The following SMYD3 variants were observed in gnomAD, a reference collection of about 807,000 sequenced individuals.
SMYD3 encodes SET and MYND domain containing 3, also known as histone-lysine N-methyltransferase SMYD3.
A neutral mutation model predicts 57.7 loss-of-function variants in SMYD3; 36 were observed. The observed-to-expected ratio is 0.62, with a 90% CI of 0.48 to 0.82. The LOEUF (loss-of-function observed/expected upper bound fraction) is 0.82. Among genes scored for constraint, SMYD3 ranks in the 40% least tolerant of loss-of-function variants. The pLI, the probability that SMYD3 is intolerant of heterozygous loss-of-function variation, is 0.00. For synonymous variants in SMYD3, 211 were observed against 195.0 expected (o/e 1.08, Z -0.68); for missense variants, 515 against 538.8 (o/e 0.96, Z 0.44).
chr1:246,128,932 TAG>T (rs1341666569), intron 5 of SMYD3, among the ~76,000 whole-genome samples: 1 of 151,994 alleles, frequency 6.6e-6, no homozygotes, highest in Non-Finnish European at 1.5e-5. Flanking sequence ...GCCTCCCAAG[TAG>T]CTGGAACTAC....
Position 246,088,880 on chromosome 1 carries a change from T to C in SMYD3, c.532-158943A>G, listed in dbSNP as rs35056024. Among the ~76,000 whole-genome samples the C allele has an allele frequency of 3.2e-3, 487 of 152,346 alleles. 5 individuals are homozygous for C. Among genetic ancestry groups the C allele is most frequent in the Non-Finnish European group, 4.2e-3 (289 of 68,032 alleles). On this transcript the variant is annotated intron_variant, in intron 5 of 11. Coordinates refer to ENST00000490107, the MANE Select transcript of SMYD3 (RefSeq NM_001167740.2). ...AAATTTATGTGTACATACACACACA[T>C]ATATATTTTATATCCAGAAAAGTTT...
At chr1:246,194,042 T>C (rs947174660) in intron 5 of SMYD3, among the ~76,000 whole-genome samples, 1 of 152,222 alleles carries the variant, frequency 6.6e-6, no homozygotes, top group Non-Finnish European at 1.5e-5. Flanking sequence ...AGAGGTACGC[T>C]GTTTTTATGT....
At position 246,214,212 on chromosome 1, in the gene SMYD3, T is replaced by G. The variant is rs1463135940; in HGVS notation, c.531+112989A>C. Among the ~76,000 whole-genome samples the G allele has an allele frequency of 2.6e-5, 4 of 152,128 alleles. No individual in the cohort carries two copies. In the East Asian group the frequency reaches 7.7e-4, roughly 29 times the overall value. On this transcript the variant is annotated intron_variant, in intron 5 of 11. Coordinates refer to ENST00000490107, the MANE Select transcript of SMYD3 (RefSeq NM_001167740.2). ...ACAAGAGAGGAGTCTAGAAATCCAG[T>G]CAGAGATTAGATTTCACATCCCAGG...
At chr1:246,209,400 G>C (rs1225137483) in intron 5 of SMYD3, among the ~76,000 whole-genome samples, 1 of 152,072 alleles carries the variant, frequency 6.6e-6, no homozygotes, top group Admixed American at 6.5e-5. Flanking sequence ...TCTTAAACAT[G>C]GTCTGCATTA....
intron 1 of SMYD3, among the ~76,000 whole-genome samples, chr1:246,398,112 T>C (rs1029663852): frequency 6.6e-6 from 1 of 152,166 alleles, no homozygotes; most frequent in Admixed American, 6.5e-5. Flanking sequence ...GTAGGAGCAA[T>C]TGGAGAAGTT....
At chr1:246,257,384 C>T (rs1434596587) in intron 5 of SMYD3, among the ~76,000 whole-genome samples, 1 of 152,084 alleles carries the variant, frequency 6.6e-6, no homozygotes, top group African/African-American at 2.4e-5. Context: ...TGAATTGAAT[C>T]CTCTATCATT....
At chr1:245,877,941 C>G (rs1198647342) in intron 8 of SMYD3, among the ~76,000 whole-genome samples, 1 of 152,098 alleles carries the variant, frequency 6.6e-6, no homozygotes, top group Non-Finnish European at 1.5e-5. Context: ...TCACCCAATC[C>G]AACGGGGCCC....
At chr1:246,273,886 T>G (rs1409171777) in intron 5 of SMYD3, among the ~76,000 whole-genome samples, 1 of 152,144 alleles carries the variant, frequency 6.6e-6, no homozygotes, top group Non-Finnish European at 1.5e-5. Flanking sequence ...CACTAATCTC[T>G]CCTATTGCTT....
At chr1:245,924,132 A>G (rs1396009775) in intron 7 of SMYD3, among the ~76,000 whole-genome samples, 2 of 152,326 alleles carry the variant, frequency 1.3e-5, no homozygotes, top group East Asian at 1.9e-4. Flanking sequence ...AACTACCATA[A>G]GACTGCTTTG....
chr1:246,067,367 T>C (rs1489422288), intron 5 of SMYD3, among the ~76,000 whole-genome samples: 2 of 152,186 alleles, frequency 1.3e-5, no homozygotes, highest in African/African-American at 4.8e-5. Context: ...CATTCTCTCA[T>C]CCACTCACTC....
At chr1:245,775,916 AGATAC>A (rs2046570023) in intron 10 of SMYD3, among the ~76,000 whole-genome samples, 1 of 152,208 alleles carries the variant, frequency 6.6e-6, no homozygotes, top group Admixed American at 6.5e-5. Context: ...GGATGGTCTA[AGATAC>A]AAGAAAAAAT....
chr1:246,331,527 G>C (rs1172575059), intron 3 of SMYD3, among the ~76,000 whole-genome samples: 1 of 152,178 alleles, frequency 6.6e-6, no homozygotes, highest in Non-Finnish European at 1.5e-5. Flanking sequence ...AAGAGAGACT[G>C]TGTATTTCTT....
chr1:245,792,546 T>C (rs1361665709), intron 10 of SMYD3, among the ~76,000 whole-genome samples: 1 of 152,216 alleles, frequency 6.6e-6, no homozygotes, highest in East Asian at 1.9e-4. Context: ...AAAAAATTTT[T>C]TTATTCCACA....
chr1:246,384,196 A>T (rs745719534), intron 1 of SMYD3, among the ~76,000 whole-genome samples: 1 of 152,134 alleles, frequency 6.6e-6, no homozygotes, highest in African/African-American at 2.4e-5. Flanking sequence ...TATCCTTCAG[A>T]TATCTTTTTC....
At chr1:246,106,223 T>C (rs116252297) in intron 5 of SMYD3, among the ~76,000 whole-genome samples, 1 of 152,190 alleles carries the variant, frequency 6.6e-6, no homozygotes, top group Non-Finnish European at 1.5e-5. Flanking sequence ...TTCATTACAT[T>C]GTAGACATCC....
intron 2 of SMYD3, among the ~76,000 whole-genome samples, chr1:246,354,199 T>C (rs918813570): frequency 6.6e-6 from 1 of 152,206 alleles, no homozygotes; most frequent in African/African-American, 2.4e-5. Flanking sequence ...AGACTTTTAA[T>C]AAGATGTAAC....
chr1:245,763,671 G>C (rs1009601137), intron 11 of SMYD3, among the ~76,000 whole-genome samples: 1 of 152,168 alleles, frequency 6.6e-6, no homozygotes, highest in African/African-American at 2.4e-5. Flanking sequence ...GACACGGACT[G>C]TGTTCCGTGG....
At chr1:246,004,377 G>A (rs2059134675) in intron 5 of SMYD3, among the ~76,000 whole-genome samples, 2 of 152,134 alleles carry the variant, frequency 1.3e-5, no homozygotes, top group Non-Finnish European at 2.9e-5. Context: ...GGGTGAAGAT[G>A]GAATTCTGCC....
chr1:246,100,102 T>C (rs1183028968), intron 5 of SMYD3, among the ~76,000 whole-genome samples: 1 of 152,186 alleles, frequency 6.6e-6, no homozygotes, highest in Admixed American at 6.5e-5. Context: ...TCCCAGCTAC[T>C]TTGGAGGCTG....
Sources: allele counts gnomAD v4.1 joint callset (sites outside exome capture counted in the v4.1 genomes callset), GRCh38; gene constraint gnomAD v4.1.1; transcripts MANE v1.5; gene names NCBI Gene and HGNC (gene_info 2026-07-23, HGNC 2026-07-21).